The following CADPS variants were observed in gnomAD, a reference collection of about 807,000 sequenced individuals.
The protein encoded by CADPS is calcium-dependent secretion activator 1.
CADPS carries 57 observed loss-of-function variants against 167.3 expected under a neutral mutation model. The ratio of observed to expected loss-of-function variants is 0.34; its 90% CI spans 0.28 to 0.42. CADPS has a LOEUF of 0.42. CADPS is among the 20% of genes least tolerant of loss of function. The pLI, the probability that CADPS is intolerant of heterozygous loss-of-function variation, is 1.00. For missense variants in CADPS, 1,414 were observed against 1,738.1 expected (o/e 0.81, Z 3.32); for synonymous variants, 676 against 635.3 (o/e 1.06, Z -0.96).
chr3:62,831,495 A>G (rs141874860), intron 1 of CADPS, among the ~76,000 whole-genome samples: 10 of 152,240 alleles, frequency 6.6e-5, no homozygotes, highest in African/African-American at 2.4e-4. Flanking sequence ...GACTGCTGGC[A>G]TGGTTCCATT....
At chr3:62,858,627 G>A (rs1465671021) in intron 1 of CADPS, among the ~76,000 whole-genome samples, 1 of 152,142 alleles carries the variant, frequency 6.6e-6, no homozygotes, top group Admixed American at 6.6e-5. Context: ...AATGGGATAT[G>A]TAGATATTAT....
At chr3:62,779,304 C>T in intron 1 of CADPS, 2 of 375,974 alleles carry the variant, frequency 5.3e-6, no homozygotes, top group Admixed American at 3.5e-5. Context: ...GGGTTGCAGC[C>T]TTCTTTCCCG....
At position 62,875,097 on chromosome 3, in the gene CADPS, G is replaced by A. The variant is rs973855348; in HGVS notation, c.-68C>T. ...AGTGCAAAAGGTGGGGGGCGCTGGA[G>A]GCAGCCGGGGATCAGCTCTCCCGGG... On this transcript the variant is annotated 5_prime_UTR_variant, in exon 1 of 30. Coordinates refer to ENST00000383710, the MANE Select transcript of CADPS (RefSeq NM_003716.4). The A allele has an allele frequency of 2.7e-6, 4 of 1,462,372 alleles. No homozygotes were observed. Among genetic ancestry groups the A allele is most frequent in the Non-Finnish European group, 3.6e-6 (4 of 1,096,786 alleles). The allele number at this position is 1,462,372 out of a possible 1,614,324, so 90.6% of individuals were successfully genotyped here.
intron 1 of CADPS, among the ~76,000 whole-genome samples, chr3:62,866,152 A>C (rs1577588886): frequency 6.6e-6 from 1 of 152,164 alleles, no homozygotes; most frequent in East Asian, 1.9e-4. Context: ...TTTTCTCTAC[A>C]ATGGATCTAG....
rs2051175621 is a variant in CADPS, at chr3:62,420,882, ACACACACACACACACACACAGG to A, written c.3777+17200_3777+17221del. On this transcript the variant is annotated intron_variant, in intron 28 of 29. Transcript: ENST00000383710. The surrounding 1 kb of genome is among the most constrained non-coding windows in gnomAD (Gnocchi z 4.1). ...AACGAACACACACACACACACACAC[ACACACACACACACACACACAGG>A]CACACACACACACACTTGCCAGATC... 7.6e-6 allele frequency among the ~76,000 whole-genome samples: 1 copy of A among 132,208 alleles called. No individual in the cohort carries two copies. Among genetic ancestry groups the A allele is most frequent in the Admixed American group, 7.3e-5 (1 of 13,774 alleles). 86.7% of individuals were successfully genotyped at this position (132,208 alleles called of 152,430 possible).
At chr3:62,414,863 C>G (rs1400153137) in intron 28 of CADPS, among the ~76,000 whole-genome samples, 2 of 152,204 alleles carry the variant, frequency 1.3e-5, no homozygotes, top group Non-Finnish European at 2.9e-5. Flanking sequence ...GCCTTGTCTA[C>G]TGGGGGATTG....
At chr3:62,713,286 C>CACTGTATTTATTTGTGTCGGTG (rs1203409621) in intron 3 of CADPS, among the ~76,000 whole-genome samples, 2 of 152,140 alleles carry the variant, frequency 1.3e-5, no homozygotes, top group African/African-American at 4.8e-5. Context: ...ACCTCTTCCT[C>CACTGTATTTATTTGTGTCGGTG]ACTGTATTTA....
chr3:62,648,455 A>G (rs2069100509), intron 5 of CADPS, among the ~76,000 whole-genome samples: 1 of 151,920 alleles, frequency 6.6e-6, no homozygotes, highest in Non-Finnish European at 1.5e-5. Context: ...GCTTAGGTGG[A>G]TAGATGGCAT....
intron 3 of CADPS, among the ~76,000 whole-genome samples, chr3:62,693,037 GCC>G (rs1491494347): frequency 1.3e-5 from 2 of 151,126 alleles, no homozygotes; most frequent in Admixed American, 6.6e-5. Flanking sequence ...CAATTTCTTG[GCC>G]ATCAAGTTTT....
intron 28 of CADPS, among the ~76,000 whole-genome samples, chr3:62,415,034 C>T (rs749315851): frequency 6.6e-6 from 1 of 152,178 alleles, no homozygotes; most frequent in Non-Finnish European, 1.5e-5. Flanking sequence ...GTCTCCTTGA[C>T]AACACCCCAG....
chr3:62,748,691 C>A (rs1418114583), intron 3 of CADPS, among the ~76,000 whole-genome samples: 1 of 152,028 alleles, frequency 6.6e-6, no homozygotes, highest in East Asian at 1.9e-4. Flanking sequence ...ATAATAAAAC[C>A]TATTCTCAAA....
In CADPS at chr3:62,478,550, G is replaced by A; in HGVS notation, c.3174-134C>T. ...CAAAACAACGTGTGTTGGCGGTGGA[G>A]GCGGGGGCGAGTCTCCACCGGCAGA... On this transcript the variant is annotated intron_variant, in intron 22 of 29. Transcript: ENST00000383710. The surrounding 1 kb of genome is among the most constrained non-coding windows in gnomAD (Gnocchi z 5.7). 1.3e-6 allele frequency: 1 copy of A among 792,530 alleles called. No homozygotes were observed. Among genetic ancestry groups the A allele is most frequent in the Non-Finnish European group, 2.0e-6 (1 of 504,888 alleles). The allele number at this position is 792,530 out of a possible 1,614,324, so 49.1% of individuals were successfully genotyped here.
At position 62,837,215 on chromosome 3, in the gene CADPS, G is replaced by T. The variant is rs1448705473; in HGVS notation, c.441+37374C>A. On this transcript the variant is annotated intron_variant, in intron 1 of 29. Coordinates refer to ENST00000383710, the MANE Select transcript of CADPS (RefSeq NM_003716.4). ...TGTTTGTATTCCCATCTTACATAAG[G>T]AAACTGAAGCTCAGTGAAGTCAAGT... is the stretch of plus-strand genomic sequence containing the variant. Among the ~76,000 whole-genome samples the T allele has an allele frequency of 2.6e-5, 4 of 152,064 alleles. No homozygotes were observed. In the South Asian group the frequency reaches 6.2e-4, roughly 24 times the overall value.
At chr3:62,663,374 T>A (rs1202330020) in intron 3 of CADPS, among the ~76,000 whole-genome samples, 1 of 152,192 alleles carries the variant, frequency 6.6e-6, no homozygotes, top group Non-Finnish European at 1.5e-5. Context: ...GAAACTATTA[T>A]TTCCAAGCAA....
rs779869772 is a variant in CADPS at position 62,399,451 on chromosome 3, G to T, written c.4017C>A (p.Gly1339=). ...CCTCATCGCTGTCCTTCATGCTGATGCCCTGCAGTCCCCCACCTTCACTCA... is the reference window on the plus strand; with the variant it reads ...CCTCATCGCTGTCCTTCATGCTGATTCCCTGCAGTCCCCCACCTTCACTCA... ...ASVSEGGGLQ[G]ISMKDSDEED... is the part of the protein sequence containing the mutation. The change falls in exon 30 of 30, where the codon GGC becomes GGA. Residue 1339 remains glycine (G), a synonymous_variant. Coordinates refer to ENST00000383710, the MANE Select transcript of CADPS (RefSeq NM_003716.4). This position sits in a 1 kb window ranked among gnomAD's most constrained non-coding sequence, Gnocchi z 5.6. The T allele has an allele frequency of 2.7e-5, 43 of 1,614,022 alleles. No individual in the cohort carries two copies. The highest frequency in any genetic ancestry group is 3.4e-5 in the Non-Finnish European group (40 of 1,180,008).
At chr3:62,766,785 C>T (rs1398555719) in intron 1 of CADPS, among the ~76,000 whole-genome samples, 1 of 152,204 alleles carries the variant, frequency 6.6e-6, no homozygotes, top group Non-Finnish European at 1.5e-5. Context: ...CATCAGGTAT[C>T]AATGCAGGCA....
At chr3:62,549,415 C>A (rs566724692) in intron 11 of CADPS, among the ~76,000 whole-genome samples, 1 of 144,528 alleles carries the variant, frequency 6.9e-6, no homozygotes, top group Admixed American at 6.9e-5. Context: ...GGTATTTTAG[C>A]TCGGAATGGG....
intron 3 of CADPS, among the ~76,000 whole-genome samples, chr3:62,722,420 A>G (rs2075996877): frequency 6.6e-6 from 1 of 152,228 alleles, no homozygotes; most frequent in Non-Finnish European, 1.5e-5. Context: ...GGCTTCATAA[A>G]CAAGGATATA....
At chr3:62,650,762 A>G (rs2069889842) in intron 5 of CADPS, 85 bp downstream of exon 5, 3 of 1,000,352 alleles carry the variant, frequency 3.0e-6, no homozygotes, top group Non-Finnish European at 4.6e-6. Flanking sequence ...GGTGCAACAG[A>G]AAAAACAAGC....
Sources: gnomAD v4.1 joint callset for allele counts (sites outside exome capture counted in the v4.1 genomes callset) on GRCh38, gnomAD v4.1.1 for gene constraint, Gnocchi (gnomAD v3.1) non-coding constraint, MANE v1.5 for transcripts, NCBI Gene and HGNC (gene_info 2026-07-23, HGNC 2026-07-21) for gene names.